The following ZNF595 variants were observed in gnomAD, a reference collection of about 807,000 sequenced individuals.
ZNF595 encodes zinc finger protein 595.
ZNF595 carries 9 observed loss-of-function variants against 19.4 expected under a neutral mutation model. That is an observed-to-expected ratio of 0.46 (90% CI 0.28 to 0.81). The LOEUF (loss-of-function observed/expected upper bound fraction) is 0.81, where lower values mean the gene tolerates loss of function less well. ZNF595 is among the 30% of genes least tolerant of loss of function. The probability of loss-of-function intolerance (pLI) is 0.11; values close to 1 mark genes in which losing one functional copy is unlikely to be tolerated. For synonymous variants in ZNF595, 255 were observed against 255.9 expected, an observed-to-expected ratio of 1.00 and a Z score of 0.03; for missense variants, 729 against 736.0, an observed-to-expected ratio of 0.99 and a Z score of 0.11.
rs1560095835 is a variant in ZNF595 at position 86,913 on chromosome 4, A to G, written c.1409A>G (p.His470Arg). Reference protein sequence around the residue: ...AFTRSTTLNEHKKIHTGEKPY... With the variant: ...AFTRSTTLNERKKIHTGEKPY... Reference sequence around the variant, plus strand: ...ACACGGTCCACAACACTGAACGAACATAAGAAAATTCATACTGGCGAGAAA... The same window carrying G: ...ACACGGTCCACAACACTGAACGAACGTAAGAAAATTCATACTGGCGAGAAA... Residue 470 changes from histidine (H) to arginine (R), a missense_variant, in exon 4 of 4, where the codon CAT becomes CGT. Physicochemically the swap from His to Arg is conservative, Grantham distance 29. Around this residue, in one of 2 missense-constraint regions of ZNF595, gnomAD observed 729 missense variants for 675.3 expected, o/e 1.08. Coordinates refer to ENST00000610261, the MANE Select transcript of ZNF595 (RefSeq NM_182524.4). 6.2e-7 allele frequency: 1 copy of G among 1,611,000 alleles called. No homozygotes were observed. The highest frequency in any genetic ancestry group is 8.5e-7 in the Non-Finnish European group (1 of 1,178,122).
chr4:75,028 CAG>C (rs1211955611), intron 3 of ZNF595, among the ~76,000 whole-genome samples: 4 of 151,818 alleles, frequency 2.6e-5, no homozygotes, highest in Non-Finnish European at 5.9e-5. Context: ...TTTTTCATGA[CAG>C]ATTTTTTTTT....
chr4:69,104 A>T (rs1713325307), intron 3 of ZNF595, among the ~76,000 whole-genome samples: 1 of 152,160 alleles, frequency 6.6e-6, no homozygotes, highest in East Asian at 1.9e-4. Flanking sequence ...TTTATGATTG[A>T]AAAGTACTCC....
chr4:78,812 G>A (rs1713781982), intron 3 of ZNF595, among the ~76,000 whole-genome samples: 2 of 152,162 alleles, frequency 1.3e-5, no homozygotes, highest in South Asian at 4.1e-4. Flanking sequence ...TCCTGCATCA[G>A]CCTCCTGAGT....
intron 3 of ZNF595, among the ~76,000 whole-genome samples, chr4:80,548 G>C (rs957865548): frequency 6.6e-6 from 1 of 152,060 alleles, no homozygotes; most frequent in Admixed American, 6.5e-5. Context: ...GTGCAGACGA[G>C]CTGAGTCCAA....
At chr4:77,972 C>T (rs1176895458) in intron 3 of ZNF595, among the ~76,000 whole-genome samples, 1 of 151,944 alleles carries the variant, frequency 6.6e-6, no homozygotes, top group Non-Finnish European at 1.5e-5. Flanking sequence ...CTTCAGGATA[C>T]ACAGCTGAGA....
chr4:79,305 G>C (rs188297065), intron 3 of ZNF595, among the ~76,000 whole-genome samples: 2 of 152,270 alleles, frequency 1.3e-5, no homozygotes, highest in African/African-American at 4.8e-5. Context: ...ATATGTAATT[G>C]TATGTATATG....
intron 3 of ZNF595, among the ~76,000 whole-genome samples, chr4:70,158 G>A (rs144829839): frequency 8.7e-4 from 132 of 152,138 alleles, no homozygotes; most frequent in African/African-American, 3.0e-3. Flanking sequence ...AAGCACCAAC[G>A]GTAGATAATT....
chr4:82,989 T>G (rs782702336), intron 3 of ZNF595, among the ~76,000 whole-genome samples: 5 of 152,156 alleles, frequency 3.3e-5, no homozygotes, highest in Non-Finnish European at 7.4e-5. Flanking sequence ...ATTATATTGC[T>G]CTCTATGTCT....
chr4:87,351 G>C lies in ZNF595; in HGVS notation c.1847G>C (p.Gly616Ala), dbSNP rs1714268203. Residue 616 changes from glycine (G) to alanine (A), a missense_variant, in exon 4 of 4, where the codon GGA becomes GCA. Physicochemically the swap from Gly to Ala is moderately conservative, Grantham distance 60 (BLOSUM62 0). Around this residue, in one of 2 missense-constraint regions of ZNF595, gnomAD observed 729 missense variants for 675.3 expected, o/e 1.08. Transcript: ENST00000610261. ...SLTKHKIIHTGEKSYKCEECG... is the reference protein window; with the variant it reads ...SLTKHKIIHTAEKSYKCEECG... ...ACTAAACATAAGATAATTCATACTGGAGAGAAATCCTACAAATGTGAAGAA... is the reference window on the plus strand; with the variant it reads ...ACTAAACATAAGATAATTCATACTGCAGAGAAATCCTACAAATGTGAAGAA... 6.2e-7 allele frequency: 1 copy of C among 1,613,220 alleles called. No homozygotes were observed. The highest frequency in any genetic ancestry group is 8.5e-7 in the Non-Finnish European group (1 of 1,179,754).
chr4:82,405 T>G (rs1713955222), intron 3 of ZNF595, among the ~76,000 whole-genome samples: 1 of 130,248 alleles, frequency 7.7e-6, no homozygotes, highest in Non-Finnish European at 1.6e-5. Flanking sequence ...TTTTTTGAGA[T>G]GGAGTTTCAC....
At position 86,156 on chromosome 4, in the gene ZNF595, CATAAG is replaced by C. The variant is rs1553801347; in HGVS notation, c.654_658del (p.His218GlnfsTer12). ...TAATAGGTCCACATCACTTAGTAAA[CATAAG>C]AGAATTCATACTGGAGAGAAACCCT... On this transcript the variant is annotated frameshift_variant, in exon 4 of 4. Coordinates refer to ENST00000610261, the MANE Select transcript of ZNF595 (RefSeq NM_182524.4). LOFTEE classifies it low-confidence loss of function (END_TRUNC). 3.1e-6 allele frequency: 5 copies of C among 1,613,642 alleles called. No homozygotes were observed. Among genetic ancestry groups the C allele is most frequent in the Admixed American group, 1.7e-5 (1 of 59,998 alleles).
At chr4:66,334 T>G (rs1266250822) in intron 3 of ZNF595, among the ~76,000 whole-genome samples, 115 of 6,640 alleles carry the variant, frequency 0.017, 1 homozygote, top group East Asian at 0.25. Flanking sequence ...TAACTTTTTG[T>G]TTTTTTTTTT....
At chr4:76,045 C>A (rs1420497998) in intron 3 of ZNF595, among the ~76,000 whole-genome samples, 3 of 152,046 alleles carry the variant, frequency 2.0e-5, no homozygotes, top group Non-Finnish European at 4.4e-5. Flanking sequence ...TACATGCCAC[C>A]ATGTCCGGCT....
At chr4:76,714 C>G (rs1713675597) in intron 3 of ZNF595, among the ~76,000 whole-genome samples, 1 of 152,084 alleles carries the variant, frequency 6.6e-6, no homozygotes, top group African/African-American at 2.4e-5. Context: ...CAGGTATACT[C>G]TTCTTCGTTG....
In ZNF595 at chr4:82,384, T is replaced by G. The variant is rs1216979783; in HGVS notation, c.227-3347T>G. Among the ~76,000 whole-genome samples the G allele has an allele frequency of 4.5e-4, 52 of 115,720 alleles. No individual in the cohort carries two copies. The South Asian group carries it at 0.014, about 31-fold the overall frequency. 75.9% of individuals were successfully genotyped at this position (115,720 alleles called of 152,430 possible). A position where few individuals can be genotyped will look rare whatever the true frequency, so the allele number is the denominator to read the frequency against. Reference sequence around the variant, plus strand: ...TTTTTGGTTTGTGGTTTTTTTTTTTTTTTTTTTTTTTTTTTTGAGATGGAG... The same window carrying G: ...TTTTTGGTTTGTGGTTTTTTTTTTTGTTTTTTTTTTTTTTTTGAGATGGAG... On this transcript the variant is annotated intron_variant, in intron 3 of 3. Coordinates refer to ENST00000610261, the MANE Select transcript of ZNF595 (RefSeq NM_182524.4).
chr4:68,839 A>G (rs1713314547), intron 3 of ZNF595, among the ~76,000 whole-genome samples: 2 of 152,196 alleles, frequency 1.3e-5, no homozygotes, highest in African/African-American at 4.8e-5. Flanking sequence ...TGTACTAGCA[A>G]CTACTAAATC....
chr4:80,691 C>T (rs547310263), intron 3 of ZNF595, among the ~76,000 whole-genome samples: 113 of 152,238 alleles, frequency 7.4e-4, no homozygotes, highest in African/African-American at 2.6e-3. Flanking sequence ...AGTTGGGGAG[C>T]TTCTGAGCCA....
chr4:87,228 T>G lies in ZNF595; in HGVS notation c.1724T>G (p.Leu575Ter), dbSNP rs1553802018. 1 of 1,593,902 alleles carries G rather than the reference T, an allele frequency of 6.3e-7. No homozygotes were observed. ...KCKECGKAYN[L>*]SSTLTKHKRI... ...AAAGAATGTGGCAAAGCCTATAACT[T>G]ATCCTCAACCCTTACTAAACATAAG... is the stretch of plus-strand genomic sequence containing the variant. The change falls in exon 4 of 4, where the codon TTA becomes TGA. Residue 575 changes from leucine to a stop codon, truncating the protein, a stop_gained. Coordinates refer to ENST00000610261, the MANE Select transcript of ZNF595 (RefSeq NM_182524.4). LOFTEE classifies it high-confidence loss of function.
rs1402529611 is a variant in ZNF595, at chr4:64,213, GT to G, written c.226+4067del. 2.8e-5 allele frequency among the ~76,000 whole-genome samples: 4 copies of G among 144,796 alleles called. No homozygotes were observed. In the East Asian group the frequency reaches 6.0e-4, roughly 22 times the overall value. The allele number at this position is 144,796 out of a possible 152,430, so 95.0% of individuals were successfully genotyped here. ...TGACCAACATAAAAATACTTGTGGG[GT>G]TTTTTTGTTTGTTTGAGATAGGGTC... On this transcript the variant is annotated intron_variant, in intron 3 of 3. Coordinates refer to ENST00000610261, the MANE Select transcript of ZNF595 (RefSeq NM_182524.4).
Sources: gnomAD v4.1 joint callset for allele counts (sites outside exome capture counted in the v4.1 genomes callset) on GRCh38, gnomAD v4.1.1 for gene constraint, gnomAD v4.1.1 regional missense constraint, MANE v1.5 for transcripts, NCBI Gene and HGNC (gene_info 2026-07-23, HGNC 2026-07-21) for gene names.